The following TAF12 variants were observed in gnomAD, a reference collection of about 807,000 sequenced individuals.
The protein encoded by TAF12 is transcription initiation factor TFIID subunit 12.
TAF12 carries 3 observed loss-of-function variants against 20.8 expected under a neutral mutation model. The ratio of observed to expected loss-of-function variants is 0.14; its 90% CI spans 0.07 to 0.37. TAF12 has a LOEUF of 0.37. TAF12 is among the 10% of genes least tolerant of loss of function. TAF12 has a pLI of 1.00. For synonymous variants in TAF12, 69 were observed against 70.2 expected (o/e 0.98, Z 0.09); for missense variants, 131 against 197.9 (o/e 0.66, Z 2.03).
At chr1:28,639,178 A>C (rs1667948130) in intron 1 of TAF12, among the ~76,000 whole-genome samples, 2 of 151,154 alleles carry the variant, frequency 1.3e-5, no homozygotes, top group Admixed American at 6.6e-5. Flanking sequence ...ACCTTCTGGG[A>C]GGCCGAGGCA....
chr1:28,639,244 C>T (rs1319737430), intron 1 of TAF12, among the ~76,000 whole-genome samples: 3 of 151,254 alleles, frequency 2.0e-5, no homozygotes, highest in Non-Finnish European at 3.0e-5. Flanking sequence ...TGGTGAAACC[C>T]GTCTCTACTA....
At chr1:28,633,899 C>G (rs1377320897) in intron 1 of TAF12, among the ~76,000 whole-genome samples, 1 of 117,368 alleles carries the variant, frequency 8.5e-6, no homozygotes, top group South Asian at 2.6e-4. Context: ...GCAATGAAAG[C>G]GAAACTCCAT....
intron 5 of TAF12, among the ~76,000 whole-genome samples, chr1:28,604,220 G>A (rs563024112): frequency 6.6e-6 from 1 of 152,202 alleles, no homozygotes; most frequent in African/African-American, 2.4e-5. Flanking sequence ...TGTGTTTTCT[G>A]GGGTCCCCTG....
At chr1:28,613,757 C>T (rs1032152317) in intron 3 of TAF12, among the ~76,000 whole-genome samples, 1 of 152,196 alleles carries the variant, frequency 6.6e-6, no homozygotes, top group Non-Finnish European at 1.5e-5. Flanking sequence ...GGATTTTATT[C>T]ATTCCATAGA....
intron 3 of TAF12, among the ~76,000 whole-genome samples, chr1:28,615,128 T>A (rs541452370): frequency 1.7e-4 from 26 of 151,774 alleles, no homozygotes; most frequent in Non-Finnish European, 3.1e-4. Context: ...TAAATAAATA[T>A]ATATATATGC....
intron 1 of TAF12, among the ~76,000 whole-genome samples, chr1:28,641,793 C>CAAAA (rs35540210): frequency 4.4e-4 from 38 of 86,386 alleles, no homozygotes; most frequent in African/African-American, 9.1e-4. Context: ...GAACCTGTCT[C>CAAAA]AAAAAAAAAA....
chr1:28,634,074 C>T (rs1271893675), intron 1 of TAF12, among the ~76,000 whole-genome samples: 2 of 151,972 alleles, frequency 1.3e-5, no homozygotes, highest in East Asian at 1.9e-4. Flanking sequence ...CAGAGTGAGA[C>T]TGTCTCAAAC....
chr1:28,608,696 A>G (rs1666753971), intron 4 of TAF12, among the ~76,000 whole-genome samples: 1 of 151,880 alleles, frequency 6.6e-6, no homozygotes, highest in African/African-American at 2.4e-5. Context: ...CAGAGGTTGC[A>G]GTGAGCGGAG....
At chr1:28,620,138 T>A (rs548317250) in intron 2 of TAF12, among the ~76,000 whole-genome samples, 1,628 of 144,764 alleles carry the variant, frequency 0.011, 10 homozygotes, top group Non-Finnish European at 0.016. Flanking sequence ...AGAAAAAAAA[T>A]TTTTTTTTTT....
chr1:28,624,178 A>G (rs1056077212), intron 1 of TAF12: 1 of 172,834 alleles, frequency 5.8e-6, no homozygotes, highest in African/African-American at 2.4e-5. Flanking sequence ...CAAGACAAAC[A>G]TCTCCATCTC....
intron 1 of TAF12, among the ~76,000 whole-genome samples, chr1:28,632,409 G>A (rs1336459464): frequency 6.6e-6 from 1 of 152,052 alleles, no homozygotes; most frequent in Non-Finnish European, 1.5e-5. Flanking sequence ...GCATCTACTC[G>A]GGAGGCTGAG....
chr1:28,603,450 A>C lies in TAF12; in HGVS notation c.*89T>G. On this transcript the variant is annotated 3_prime_UTR_variant, in exon 6 of 6. Transcript: ENST00000373824. ...AATATATGCTTCTCTGTAAAGCATT[A>C]AAAAAAAAAATCCAAGGATGAGATG... The C allele has an allele frequency of 6.1e-6, 5 of 815,364 alleles. No homozygotes were observed. The highest frequency in any genetic ancestry group is 7.2e-6 in the Non-Finnish European group (4 of 559,248). The allele number at this position is 815,364 out of a possible 1,614,324, so 50.5% of individuals were successfully genotyped here.
chr1:28,626,868 C>T lies in TAF12; in HGVS notation c.-84-4703G>A, dbSNP rs532343463. 3.9e-5 allele frequency among the ~76,000 whole-genome samples: 6 copies of T among 152,126 alleles called. No homozygotes were observed. In the South Asian group the frequency reaches 1.2e-3, roughly 32 times the overall value. On this transcript the variant is annotated intron_variant, in intron 1 of 5. Transcript: ENST00000373824. ...GAGGTTGCAGTGAGCCAAGATCGCACCATTGCAACTCTAGCTTGGGCGACA... is the reference window on the plus strand; with the variant it reads ...GAGGTTGCAGTGAGCCAAGATCGCATCATTGCAACTCTAGCTTGGGCGACA...
At position 28,640,322 on chromosome 1, in the gene TAF12, T is replaced by C. The variant is rs527982945; in HGVS notation, c.-85+2670A>G. 9.8e-5 allele frequency among the ~76,000 whole-genome samples: 15 copies of C among 152,354 alleles called. 1 individual carries two copies. The highest frequency in any genetic ancestry group is 6.8e-3 in the Middle Eastern group (2 of 294). The stretch of plus-strand genomic sequence containing the variant: ...CTAATATGTTATAGTCCTTGACATT[T>C]AGAGGAGCCTTAAGAAGGAGGAGAT... On this transcript the variant is annotated intron_variant, in intron 1 of 5. Coordinates refer to ENST00000373824, the MANE Select transcript of TAF12 (RefSeq NM_005644.4).
At chr1:28,626,465 C>A (rs879382279) in intron 1 of TAF12, among the ~76,000 whole-genome samples, 3 of 150,822 alleles carry the variant, frequency 2.0e-5, no homozygotes, top group Non-Finnish European at 4.4e-5. Flanking sequence ...CCTGTAGTCC[C>A]AGCTACTTGG....
intron 1 of TAF12, among the ~76,000 whole-genome samples, chr1:28,628,449 A>G (rs1479170918): frequency 1.3e-5 from 2 of 152,106 alleles, no homozygotes; most frequent in African/African-American, 4.8e-5. Context: ...AGGCAAACCC[A>G]TAGACAGAAA....
chr1:28,609,320 C>T (rs1332167934), intron 4 of TAF12, among the ~76,000 whole-genome samples: 3 of 152,038 alleles, frequency 2.0e-5, no homozygotes, highest in Non-Finnish European at 4.4e-5. Flanking sequence ...AAGGGAAATG[C>T]CCGCCTCGGC....
chr1:28,605,188 GAAT>G, intron 5 of TAF12, 181 bp downstream of exon 5: 1 of 603,588 alleles, frequency 1.7e-6, no homozygotes, highest in South Asian at 2.0e-5. Flanking sequence ...AGCACCATGT[GAAT>G]ATCTTATTGA....
At chr1:28,634,257 T>TA (rs1471662630) in intron 1 of TAF12, among the ~76,000 whole-genome samples, 1 of 119,692 alleles carries the variant, frequency 8.4e-6, no homozygotes, top group African/African-American at 3.2e-5. Context: ...CTACTAAAAA[T>TA]ACAAAAAAAT....
Sources: gnomAD v4.1 joint callset for allele counts (sites outside exome capture counted in the v4.1 genomes callset) on GRCh38, gnomAD v4.1.1 for gene constraint, MANE v1.5 for transcripts, NCBI Gene and HGNC (gene_info 2026-07-23, HGNC 2026-07-21) for gene names.